The following ZDHHC19 variants were observed in gnomAD, a reference collection of about 807,000 sequenced individuals.
The protein encoded by ZDHHC19 is zDHHC palmitoyltransferase 19.
ZDHHC19 carries 30 observed loss-of-function variants against 33.9 expected under a neutral mutation model. That is an observed-to-expected ratio of 0.88 (90% confidence interval 0.66 to 1.20). The LOEUF is 1.20. Ranked by LOEUF, ZDHHC19 falls within the 50% of genes most tolerant of loss-of-function variation. The pLI, the probability that ZDHHC19 is intolerant of heterozygous loss-of-function variation, is 0.00. For synonymous variants in ZDHHC19, 178 were observed against 167.6 expected (o/e 1.06, Z -0.48); for missense variants, 364 against 401.1 (o/e 0.91, Z 0.79).
chr3:196,200,409 C>T (rs1485336221), intron 5 of ZDHHC19, among the ~76,000 whole-genome samples: 2 of 143,378 alleles, frequency 1.4e-5, no homozygotes, highest in Non-Finnish European at 3.0e-5. Flanking sequence ...GGCTGGAGTG[C>T]AGTGGCGCGA....
chr3:196,200,189 C>T (rs1036320105), intron 5 of ZDHHC19, among the ~76,000 whole-genome samples: 1 of 150,858 alleles, frequency 6.6e-6, no homozygotes, highest in Non-Finnish European at 1.5e-5. Flanking sequence ...ATGAGAGGAT[C>T]CCTTGAGCCT....
chr3:196,209,780 A>G (rs1297475375), intron 2 of ZDHHC19, among the ~76,000 whole-genome samples: 3 of 152,228 alleles, frequency 2.0e-5, no homozygotes, highest in African/African-American at 7.2e-5. Flanking sequence ...GAAGGGAGGA[A>G]GTGCATACAG....
rs764201125 is a variant in ZDHHC19, at chr3:196,208,517, T to G, written c.452A>C (p.His151Pro). 6.2e-7 allele frequency: 1 copy of G among 1,614,130 alleles called. No individual in the cohort carries two copies. The highest frequency in any genetic ancestry group is 8.5e-7 in the Non-Finnish European group (1 of 1,179,996). Residue 151 changes from histidine (H) to proline (P), a missense_variant, in exon 4 of 8, where the codon CAC becomes CCC. Physicochemically the swap from His to Pro is moderately conservative, Grantham distance 77. Coordinates refer to ENST00000296326, the MANE Select transcript of ZDHHC19 (RefSeq NM_001039617.2). The part of the protein sequence containing the change: ...HCKWVNNCIG[H>P]RNFRFFMLLV... ...CAGCATGAAGAAGCGGAAGTTGCGG[T>G]GACCGATGCAGTTATTGACCCACTT...
At chr3:196,199,910 A>C (rs937312803) in intron 5 of ZDHHC19, among the ~76,000 whole-genome samples, 6 of 151,854 alleles carry the variant, frequency 4.0e-5, no homozygotes, top group African/African-American at 1.5e-4. Flanking sequence ...ATGCCACTGC[A>C]CTCCAGCCTG....
In ZDHHC19 at chr3:196,211,358, G is replaced by A; in HGVS notation, c.-43C>T. On this transcript the variant is annotated 5_prime_UTR_variant, in exon 1 of 8. Transcript: ENST00000296326. Reference sequence around the variant, plus strand: ...CTCCAGGGGAGGTCAGAGCCACCAGGCTTCCTCCCCCAGCCCAGCTTCCAG... The same window carrying A: ...CTCCAGGGGAGGTCAGAGCCACCAGACTTCCTCCCCCAGCCCAGCTTCCAG... 1 of 1,556,642 alleles carries A rather than the reference G, an allele frequency of 6.4e-7. No homozygotes were observed. The highest frequency in any genetic ancestry group is 1.4e-5 in the African/African-American group (1 of 73,246).
chr3:196,207,456 A>C lies in ZDHHC19; in HGVS notation c.629T>G (p.Leu210Arg). 2 of 1,576,782 alleles carry C rather than the reference A, an allele frequency of 1.3e-6. No homozygotes were observed. Among genetic ancestry groups the C allele is most frequent in the Non-Finnish European group, 1.7e-6 (2 of 1,162,214 alleles). Residue 210 changes from leucine to arginine, a missense_variant, in exon 5 of 8, where the codon CTC becomes CGC. By Grantham distance (102) the Leu-to-Arg change is moderately radical. Coordinates refer to ENST00000296326, the MANE Select transcript of ZDHHC19 (RefSeq NM_001039617.2). Reference protein sequence around the residue: ...SAAGLLVPLSLLLLIQALSVS... With the variant: ...SAAGLLVPLSRLLLIQALSVS... The stretch of plus-strand genomic sequence containing the variant: ...GGACAGTGCCTGGATCAGCAGCAGG[A>C]GGGACAGCGGCACCAGGAGGCCCGC...
intron 4 of ZDHHC19, among the ~76,000 whole-genome samples, chr3:196,207,935 T>C (rs945338471): frequency 6.4e-5 from 8 of 124,846 alleles, no homozygotes; most frequent in Non-Finnish European, 1.0e-4. Flanking sequence ...GATTCCTTTT[T>C]CTTTTCTTTT....
chr3:196,207,416 G>A lies in ZDHHC19; in HGVS notation c.669C>T (p.Asp223=), dbSNP rs755065917. The A allele has an allele frequency of 6.4e-7, 1 of 1,566,706 alleles. No homozygotes were observed. The highest frequency in any genetic ancestry group is 1.2e-5 in the South Asian group (1 of 84,982). Residue 223 remains aspartate (D), a synonymous_variant, in exon 5 of 8, where the codon GAC becomes GAT. Coordinates refer to ENST00000296326, the MANE Select transcript of ZDHHC19 (RefSeq NM_001039617.2). ...CGCGTACCTTGCCCTTGTAGGTGCG[G>A]TCGGCCGAGCTCACGGACAGTGCCT... is the stretch of plus-strand genomic sequence containing the variant. ...LIQALSVSSA[D]RTYKGKCRHL...
At chr3:196,202,110 C>T (rs185544664) in intron 5 of ZDHHC19, among the ~76,000 whole-genome samples, 1 of 152,008 alleles carries the variant, frequency 6.6e-6, no homozygotes, top group Non-Finnish European at 1.5e-5. Context: ...TTTGAGGTCA[C>T]AAGTTCAAGA....
At chr3:196,206,047 T>C (rs1246168781) in intron 5 of ZDHHC19, among the ~76,000 whole-genome samples, 1 of 145,726 alleles carries the variant, frequency 6.9e-6, no homozygotes, top group East Asian at 2.1e-4. Context: ...CCTGACTTTC[T>C]GGGGTTGTTT....
intron 5 of ZDHHC19, among the ~76,000 whole-genome samples, chr3:196,201,889 C>G (rs1342588904): frequency 6.6e-6 from 1 of 152,192 alleles, no homozygotes; most frequent in Non-Finnish European, 1.5e-5. Context: ...CCACCCAACC[C>G]CCCTCTCCCC....
At chr3:196,200,527 T>G (rs1577315140) in intron 5 of ZDHHC19, among the ~76,000 whole-genome samples, 1 of 150,334 alleles carries the variant, frequency 6.7e-6, no homozygotes. Flanking sequence ...GCTAATTTTT[T>G]GTATTTTTAG....
At chr3:196,205,994 T>C (rs1277473754) in intron 5 of ZDHHC19, among the ~76,000 whole-genome samples, 1 of 151,680 alleles carries the variant, frequency 6.6e-6, no homozygotes, top group Non-Finnish European at 1.5e-5. Flanking sequence ...AATTCTACCC[T>C]GGCTCTCATA....
At chr3:196,211,079 T>C in intron 1 of ZDHHC19, 91 bp downstream of exon 1, 3 of 1,592,852 alleles carry the variant, frequency 1.9e-6, no homozygotes, top group Non-Finnish European at 2.6e-6. Flanking sequence ...TCTCCCCCGG[T>C]CTTCTGCACT....
At chr3:196,201,197 C>A (rs555341072) in intron 5 of ZDHHC19, among the ~76,000 whole-genome samples, 3 of 151,590 alleles carry the variant, frequency 2.0e-5, no homozygotes, top group Admixed American at 2.0e-4. Flanking sequence ...TTCAGCCTCC[C>A]AAGTAGCTGG....
intron 5 of ZDHHC19, among the ~76,000 whole-genome samples, chr3:196,200,525 T>TTTG (rs1722224651): frequency 6.7e-6 from 1 of 150,310 alleles, no homozygotes; most frequent in Non-Finnish European, 1.5e-5. Flanking sequence ...CAGCTAATTT[T>TTTG]TTGTATTTTT....
At chr3:196,205,935 G>A (rs1722696895) in intron 5 of ZDHHC19, among the ~76,000 whole-genome samples, 1 of 151,996 alleles carries the variant, frequency 6.6e-6, no homozygotes, top group South Asian at 2.1e-4. Flanking sequence ...AAAGTGCTGG[G>A]ATTGCAGGTG....
At chr3:196,209,958 G>A (rs141443921) in intron 2 of ZDHHC19, among the ~76,000 whole-genome samples, 1,552 of 152,286 alleles carry the variant, frequency 0.01, 26 homozygotes, top group African/African-American at 0.036. Context: ...TTGGGAGGCC[G>A]AGGTGGGCTG....
chr3:196,208,316 T>G, intron 4 of ZDHHC19, 72 bp downstream of exon 4: 20 of 1,093,696 alleles, frequency 1.8e-5, no homozygotes, highest in East Asian at 3.8e-5. Context: ...CCCGCCCCCA[T>G]AGCCCCGCCC....
Sources: allele counts gnomAD v4.1 joint callset (sites outside exome capture counted in the v4.1 genomes callset), GRCh38; gene constraint gnomAD v4.1.1; transcripts MANE v1.5; gene names NCBI Gene and HGNC (gene_info 2026-07-23, HGNC 2026-07-21).